Variants in RPS6KC1 observed in about 807,000 individuals in gnomAD.
The protein encoded by RPS6KC1 is inactive ribosomal protein S6 kinase delta-1.
A neutral mutation model predicts 103.8 loss-of-function variants in RPS6KC1; 54 were observed. That is an observed-to-expected ratio of 0.52 (90% CI 0.42 to 0.65). The LOEUF is 0.65. Ranked by LOEUF, RPS6KC1 falls within the 30% of genes least tolerant of loss-of-function variation. The probability of loss-of-function intolerance (pLI) is 0.00; values close to 1 mark genes in which losing one functional copy is unlikely to be tolerated. For missense variants in RPS6KC1, 1,151 were observed against 1,253.8 expected, an observed-to-expected ratio of 0.92 and a Z score of 1.24; for synonymous variants, 439 against 438.7, an observed-to-expected ratio of 1.00 and a Z score of -0.01.
Position 213,224,749 on chromosome 1 carries a change from A to G in RPS6KC1, c.1045-5748A>G, listed in dbSNP as rs541086551. ...ATTCTGTTTGAGGGTTAAAGAAGCT[A>G]TTATTTTGTCCTTTATGCTGACAGT... On this transcript the variant is annotated intron_variant, in intron 8 of 14. Transcript: ENST00000366960. 5.8e-4 allele frequency among the ~76,000 whole-genome samples: 89 copies of G among 152,278 alleles called. 3 individuals are homozygous for G. In the South Asian group the frequency reaches 0.018, roughly 30 times the overall value.
chr1:213,264,340 GA>G (rs555210461), intron 14 of RPS6KC1, among the ~76,000 whole-genome samples: 23 of 152,084 alleles, frequency 1.5e-4, no homozygotes, highest in Middle Eastern at 3.4e-3. Context: ...TTCTAATGGA[GA>G]AAAAAAGAAC....
At chr1:213,665,922 G>GA in the RPS6KC1 span, among the ~76,000 whole-genome samples, 1 of 152,044 alleles carries the variant, frequency 6.6e-6, no homozygotes, top group South Asian at 2.1e-4. Flanking sequence ...ATTTAAAGAA[G>GA]ATTTTAAAAA....
intron 2 of RPS6KC1, 93 bp downstream of exon 2, chr1:213,071,134 A>G (rs929941551): frequency 3.7e-5 from 27 of 731,054 alleles, no homozygotes; most frequent in Admixed American, 2.2e-4. Context: ...TTGTACATCA[A>G]CCTCTTTTTT....
At chr1:213,482,576 G>C in the RPS6KC1 span, among the ~76,000 whole-genome samples, 3 of 82,840 alleles carry the variant, frequency 3.6e-5, no homozygotes, top group Admixed American at 5.4e-4. Context: ...TTGAGATGGA[G>C]TCTTGCTCTG....
At chr1:213,299,739 G>A in the RPS6KC1 span, among the ~76,000 whole-genome samples, 1 of 152,070 alleles carries the variant, frequency 6.6e-6, no homozygotes, top group African/African-American at 2.4e-5. Flanking sequence ...TTCTCATACT[G>A]TCTTCAAGGT....
At chr1:213,810,804 G>C in the RPS6KC1 span, among the ~76,000 whole-genome samples, 1 of 152,180 alleles carries the variant, frequency 6.6e-6, no homozygotes, top group South Asian at 2.1e-4. Flanking sequence ...ATAGTTCTAT[G>C]ATATAAATGT....
At chr1:213,174,399 C>T (rs2091705018) in intron 7 of RPS6KC1, among the ~76,000 whole-genome samples, 1 of 152,168 alleles carries the variant, frequency 6.6e-6, no homozygotes, top group African/African-American at 2.4e-5. Flanking sequence ...GCCGGGTGTG[C>T]TGGCTTATGC....
chr1:213,518,150 T>TC, the RPS6KC1 span, among the ~76,000 whole-genome samples: 1 of 152,276 alleles, frequency 6.6e-6, no homozygotes, highest in African/African-American at 2.4e-5. Context: ...AATTCCAGTT[T>TC]TAAAAAAACC....
chr1:213,080,529 T>G (rs2079774474), intron 3 of RPS6KC1, among the ~76,000 whole-genome samples: 1 of 152,194 alleles, frequency 6.6e-6, no homozygotes, highest in Non-Finnish European at 1.5e-5. Flanking sequence ...AAGCTCGTAA[T>G]GTATAGAATA....
chr1:213,254,227 G>A (rs1241024177), intron 12 of RPS6KC1, among the ~76,000 whole-genome samples: 4 of 152,154 alleles, frequency 2.6e-5, no homozygotes, highest in Admixed American at 2.0e-4. Context: ...TCAGAATACT[G>A]AAGTGAAATT....
chr1:213,354,713 A>T, the RPS6KC1 span, among the ~76,000 whole-genome samples: 3,768 of 152,268 alleles, frequency 0.025, 136 homozygotes, highest in East Asian at 0.15. Context: ...CCCTTTCCTT[A>T]TAAAGCTACC....
the RPS6KC1 span, among the ~76,000 whole-genome samples, chr1:213,485,582 T>C: frequency 1.3e-5 from 2 of 152,172 alleles, no homozygotes; most frequent in South Asian, 2.1e-4. Context: ...CTAAAACACA[T>C]TTTTGCTCAA....
the RPS6KC1 span, among the ~76,000 whole-genome samples, chr1:213,598,715 C>A: frequency 6.6e-6 from 1 of 151,900 alleles, no homozygotes; most frequent in African/African-American, 2.4e-5. Context: ...GTCAGGAGTT[C>A]AAGACTAGCC....
chr1:213,166,843 G>A (rs1422474792), intron 6 of RPS6KC1, among the ~76,000 whole-genome samples: 1 of 152,206 alleles, frequency 6.6e-6, no homozygotes, highest in African/African-American at 2.4e-5. Context: ...ATGTAGCTTT[G>A]CCTGAAATCA....
At chr1:213,164,192 T>C (rs1250758310) in intron 6 of RPS6KC1, among the ~76,000 whole-genome samples, 2 of 152,236 alleles carry the variant, frequency 1.3e-5, no homozygotes, top group Non-Finnish European at 2.9e-5. Context: ...AAATAGAATA[T>C]GGTATAATGA....
At chr1:213,214,912 C>G (rs2093618735) in intron 8 of RPS6KC1, among the ~76,000 whole-genome samples, 2 of 152,064 alleles carry the variant, frequency 1.3e-5, no homozygotes, top group African/African-American at 4.8e-5. Flanking sequence ...GTAGATAAAA[C>G]CACAAAGATG....
At chr1:213,759,757 C>A in the RPS6KC1 span, among the ~76,000 whole-genome samples, 3 of 152,306 alleles carry the variant, frequency 2.0e-5, no homozygotes, top group Admixed American at 2.0e-4. Context: ...TCCTTAGGAC[C>A]CAGGGATTTC....
the RPS6KC1 span, among the ~76,000 whole-genome samples, chr1:213,773,354 G>T: frequency 1.3e-5 from 2 of 151,262 alleles, no homozygotes; most frequent in African/African-American, 4.9e-5. Flanking sequence ...AGATGGAGTG[G>T]ATTCTGAGTG....
chr1:213,531,667 C>G, the RPS6KC1 span, among the ~76,000 whole-genome samples: 1 of 152,234 alleles, frequency 6.6e-6, no homozygotes, highest in Non-Finnish European at 1.5e-5. Flanking sequence ...ATGACTTAGA[C>G]ATATCAAAGT....
Sources: gnomAD v4.1 joint callset for allele counts (sites outside exome capture counted in the v4.1 genomes callset) on GRCh38, gnomAD v4.1.1 for gene constraint, MANE v1.5 for transcripts, NCBI Gene and HGNC (gene_info 2026-07-23, HGNC 2026-07-21) for gene names.